Variants in PCDHGB4 observed in about 807,000 individuals in gnomAD.
PCDHGB4 encodes protocadherin gamma subfamily B, 4, also known as protocadherin gamma-B4.
A neutral mutation model predicts 60.5 loss-of-function variants in PCDHGB4; 38 were observed. The observed-to-expected ratio is 0.63, with a 90% CI of 0.48 to 0.82. PCDHGB4 has a LOEUF of 0.82. Ranked by LOEUF, PCDHGB4 falls within the 40% of genes least tolerant of loss-of-function variation. The pLI, the probability that PCDHGB4 is intolerant of heterozygous loss-of-function variation, is 0.00. For missense variants in PCDHGB4, 1,109 were observed against 1,209.6 expected, an observed-to-expected ratio of 0.92 and a Z score of 1.23; for synonymous variants, 456 against 509.7, an observed-to-expected ratio of 0.89 and a Z score of 1.42.
At chr5:141,502,216 A>G (rs957759583) in intron 2 of PCDHGB4, among the ~76,000 whole-genome samples, 3 of 152,334 alleles carry the variant, frequency 2.0e-5, no homozygotes, top group Admixed American at 6.5e-5. Context: ...GCAGATTTTC[A>G]TAAATGTTCT....
intron 1 of PCDHGB4, among the ~76,000 whole-genome samples, chr5:141,406,072 C>CTTT (rs530474569): frequency 7.1e-6 from 1 of 141,484 alleles, no homozygotes. Flanking sequence ...ATTCTTACTC[C>CTTT]TTTTTTTTTT....
Position 141,419,025 on chromosome 5 carries a change from G to T in PCDHGB4, c.2397+28744G>T, listed in dbSNP as rs2096315076. 6.2e-6 allele frequency: 10 copies of T among 1,613,736 alleles called. No homozygotes were observed. In the East Asian group the frequency reaches 2.0e-4, roughly 32 times the overall value. On this transcript the variant is annotated intron_variant, in intron 1 of 3. Transcript: ENST00000519479. ...GAAGTCAGGTGTAGCTTAAGTAGAG[G>T]TGTTCCATTTAAGATTCATTCTTCT...
At position 141,487,791 on chromosome 5, in the gene PCDHGB4, C is replaced by T; in HGVS notation, c.2398-7016C>T. ...CTTTGTAACTGTTTCGTGAATTAAC[C>T]AGAGTTGTCACAGTTTAGCATTGGG... On this transcript the variant is annotated intron_variant, in intron 1 of 3. Coordinates refer to ENST00000519479, the MANE Select transcript of PCDHGB4 (RefSeq NM_003736.4). This position sits in a 1 kb window ranked among gnomAD's most constrained non-coding sequence, Gnocchi z 5.0. 6.6e-7 allele frequency: 1 copy of T among 1,510,152 alleles called. No individual in the cohort carries two copies. The highest frequency in any genetic ancestry group is 1.4e-5 in the African/African-American group (1 of 72,206). The allele number at this position is 1,510,152 out of a possible 1,614,324, so 93.5% of individuals were successfully genotyped here. A position where few individuals can be genotyped will look rare whatever the true frequency, so the allele number is the denominator to read the frequency against.
intron 1 of PCDHGB4, chr5:141,393,778 A>G (rs756686929): frequency 1.2e-5 from 20 of 1,613,954 alleles, no homozygotes; most frequent in Non-Finnish European, 1.7e-5. Flanking sequence ...ATACAAGCCG[A>G]AGATGTGGGG....
rs141151122 is a variant in PCDHGB4, at chr5:141,491,445, C to T, written c.2398-3362C>T. ...GAGGGCAGTGCTGCAGGCGCCAGGA[C>T]TCACCCTCCCCGGACTTCTATAAGC... is the stretch of plus-strand genomic sequence containing the variant. On this transcript the variant is annotated intron_variant, in intron 1 of 3. Transcript: ENST00000519479. This position sits in a 1 kb window ranked among gnomAD's most constrained non-coding sequence, Gnocchi z 6.9. 1 of 1,614,112 alleles carries T rather than the reference C, an allele frequency of 6.2e-7. No individual in the cohort carries two copies. The highest frequency in any genetic ancestry group is 8.5e-7 in the Non-Finnish European group (1 of 1,180,032).
At position 141,491,904 on chromosome 5, in the gene PCDHGB4, G is replaced by C; in HGVS notation, c.2398-2903G>C. The C allele has an allele frequency of 7.0e-7, 1 of 1,423,838 alleles. No individual in the cohort carries two copies. The allele number at this position is 1,423,838 out of a possible 1,614,324, so 88.2% of individuals were successfully genotyped here. ...GGATGGGGCTCCGAGCACCGGGGGT[G>C]GTGGCGACTGTGGGCGAGGGGAGGT... On this transcript the variant is annotated intron_variant, in intron 1 of 3. Coordinates refer to ENST00000519479, the MANE Select transcript of PCDHGB4 (RefSeq NM_003736.4). This position sits in a 1 kb window ranked among gnomAD's most constrained non-coding sequence, Gnocchi z 6.9.
intron 1 of PCDHGB4, chr5:141,420,314 A>G (rs1454977890): frequency 6.9e-7 from 1 of 1,442,692 alleles, no homozygotes; most frequent in African/African-American, 1.4e-5. Flanking sequence ...TTTATATTAC[A>G]ATATGCCAAT....
chr5:141,426,958 C>A (rs1176636556), intron 1 of PCDHGB4: 1 of 456,728 alleles, frequency 2.2e-6, no homozygotes, highest in South Asian at 1.5e-5. Context: ...GGCACTGCTG[C>A]AATTCAAATT....
intron 1 of PCDHGB4, chr5:141,417,577 C>A: frequency 2.3e-6 from 1 of 439,676 alleles, no homozygotes; most frequent in Non-Finnish European, 4.0e-6. Flanking sequence ...AAGTTGCAGT[C>A]CCACACAGAG....
At chr5:141,457,568 T>A (rs1397626206) in intron 1 of PCDHGB4, among the ~76,000 whole-genome samples, 1 of 152,190 alleles carries the variant, frequency 6.6e-6, no homozygotes, top group African/African-American at 2.4e-5. Context: ...TGGAGCAAAA[T>A]TTTTCTCTCC....
chr5:141,388,813 T>G lies in PCDHGB4; in HGVS notation c.929T>G (p.Val310Gly). Reference protein sequence around the residue: ...TVLNTLDFEEVKEYSIVLEAR... With the variant: ...TVLNTLDFEEGKEYSIVLEAR... ...TTAAATACATTAGATTTTGAAGAAG[T>G]CAAAGAATATTCCATAGTTTTGGAA... The change falls in exon 1 of 4, where the codon GTC becomes GGC. Residue 310 changes from valine (V) to glycine (G), a missense_variant. By Grantham distance (109) the Val-to-Gly change is moderately radical. Around this residue, in one of 2 missense-constraint regions of PCDHGB4, gnomAD observed 1,068 missense variants for 1,089.9 expected, o/e 0.98. Coordinates refer to ENST00000519479, the MANE Select transcript of PCDHGB4 (RefSeq NM_003736.4). 6.2e-7 allele frequency: 1 copy of G among 1,613,884 alleles called. No individual in the cohort carries two copies. Among genetic ancestry groups the G allele is most frequent in the Non-Finnish European group, 8.5e-7 (1 of 1,179,826 alleles).
chr5:141,411,785 G>A (rs2095515346), intron 1 of PCDHGB4: 1 of 152,310 alleles, frequency 6.6e-6, no homozygotes, highest in South Asian at 2.1e-4. Context: ...TGGTGGCTGT[G>A]GTGGGAGAAT....
chr5:141,479,562 T>G (rs1176956064), intron 1 of PCDHGB4: 2 of 152,218 alleles, frequency 1.3e-5, no homozygotes, highest in Non-Finnish European at 2.9e-5. Flanking sequence ...TATCCAGTAG[T>G]GGGATGACAT....
At chr5:141,394,384 A>G (rs1379369009) in intron 1 of PCDHGB4, 2 of 1,614,114 alleles carry the variant, frequency 1.2e-6, no homozygotes, top group African/African-American at 2.7e-5. Flanking sequence ...GACTATGAGC[A>G]GATCCGAGAC....
intron 1 of PCDHGB4, among the ~76,000 whole-genome samples, chr5:141,420,710 G>A (rs2096519301): frequency 6.6e-6 from 1 of 152,186 alleles, no homozygotes; most frequent in South Asian, 2.1e-4. Flanking sequence ...TTCCAGAAAT[G>A]TCGTTCCTTT....
intron 1 of PCDHGB4, chr5:141,419,964 T>A (rs151105903): frequency 1.2e-6 from 2 of 1,613,964 alleles, no homozygotes; most frequent in African/African-American, 2.7e-5. Context: ...ATTTCTGTGC[T>A]CTTTCTCCTC....
chr5:141,393,300 G>T (rs1357517904), intron 1 of PCDHGB4: 2 of 1,613,882 alleles, frequency 1.2e-6, no homozygotes, highest in Non-Finnish European at 1.7e-6. Context: ...CCCGGATGTG[G>T]GCGTGAACTC....
At chr5:141,437,896 C>T (rs943440712) in intron 1 of PCDHGB4, among the ~76,000 whole-genome samples, 2 of 152,128 alleles carry the variant, frequency 1.3e-5, no homozygotes, top group African/African-American at 4.8e-5. Flanking sequence ...CGCCACCACA[C>T]CCAGCTAATT....
chr5:141,510,251 C>G (rs569804850), intron 3 of PCDHGB4, among the ~76,000 whole-genome samples: 1 of 144,724 alleles, frequency 6.9e-6, no homozygotes, highest in African/African-American at 2.6e-5. Flanking sequence ...CCAGGCTGGG[C>G]GACAGAGCAG....
Sources: allele counts gnomAD v4.1 joint callset (sites outside exome capture counted in the v4.1 genomes callset), GRCh38; gene constraint gnomAD v4.1.1; regional missense constraint gnomAD v4.1.1; non-coding constraint Gnocchi (gnomAD v3.1); transcripts MANE v1.5; gene names NCBI Gene and HGNC (gene_info 2026-07-23, HGNC 2026-07-21).